TOLLIP: variants seen among roughly 807,000 people sequenced by gnomAD.
TOLLIP encodes toll interacting protein, also known as toll-interacting protein.
TOLLIP carries 16 observed loss-of-function variants against 33.5 expected under a neutral mutation model. That is an observed-to-expected ratio of 0.48 (90% confidence interval 0.32 to 0.72). The LOEUF (loss-of-function observed/expected upper bound fraction) is 0.72. Ranked by LOEUF, TOLLIP falls within the 30% of genes least tolerant of loss-of-function variation. The probability of loss-of-function intolerance (pLI) is 0.03; values close to 1 mark genes in which losing one functional copy is unlikely to be tolerated. For synonymous variants in TOLLIP, 176 were observed against 163.7 expected, an observed-to-expected ratio of 1.07 and a Z score of -0.57; for missense variants, 325 against 396.6, an observed-to-expected ratio of 0.82 and a Z score of 1.53.
intron 1 of TOLLIP, among the ~76,000 whole-genome samples, chr11:1,307,950 G>A (rs1864461411): frequency 6.6e-6 from 1 of 152,168 alleles, no homozygotes; most frequent in African/African-American, 2.4e-5. Flanking sequence ...CAGGACTTGT[G>A]GATACAGTGT....
chr11:1,295,686 C>T lies in TOLLIP; in HGVS notation c.142G>A (p.Ala48Thr), dbSNP rs145578982. The T allele has an allele frequency of 9.0e-5, 144 of 1,607,714 alleles. No individual in the cohort carries two copies. The highest frequency in any genetic ancestry group is 8.9e-4 in the East Asian group (40 of 44,718). The change falls in exon 2 of 6, where the codon GCA becomes ACA. Residue 48 changes from alanine (A) to threonine (T), a missense_variant. Ala to Thr is a moderately conservative substitution (Grantham distance 58, BLOSUM62 0). Transcript: ENST00000317204. ...TTCAGTCGGCCCACGGTGCCCACTG[C>T]GCCTCCGTACTGCAGCTGCTGGGCC... ...QAAQQLQYGG[A>T]VGTVGRLNIT...
intron 2 of TOLLIP, chr11:1,291,886 G>A (rs770420666): frequency 2.5e-4 from 39 of 157,560 alleles, no homozygotes; most frequent in Non-Finnish European, 4.9e-4. Flanking sequence ...TCCCGTCCAC[G>A]CCAACCCTCG....
rs1224239787 is a variant in TOLLIP at position 1,274,449 on chromosome 11, T to C, written c.*2590A>G. 1.3e-5 allele frequency: 2 copies of C among 152,184 alleles called. No homozygotes were observed. Among genetic ancestry groups the C allele is most frequent in the African/African-American group, 2.4e-5 (1 of 41,436 alleles). 9.4% of individuals were successfully genotyped at this position (152,184 alleles called of 1,614,324 possible). Reference sequence around the variant, plus strand: ...AAATTAGAAGACTAAAAAGTAAAAATATATTTTACAATCAAAGAAAAATCT... The same window carrying C: ...AAATTAGAAGACTAAAAAGTAAAAACATATTTTACAATCAAAGAAAAATCT... On this transcript the variant is annotated 3_prime_UTR_variant, in exon 6 of 6. Coordinates refer to ENST00000317204, the MANE Select transcript of TOLLIP (RefSeq NM_019009.4).
In TOLLIP at chr11:1,295,466, G is replaced by C; in HGVS notation, c.183+179C>G. On this transcript the variant is annotated intron_variant, in intron 2 of 5. Transcript: ENST00000317204. ...TTGAGTTATGTTTGGTAGAACCCGG[G>C]GTCAATGCCAATATCTTTCACACAG... 5 of 745,346 alleles carry C rather than the reference G, an allele frequency of 6.7e-6. No individual in the cohort carries two copies. The South Asian group carries it at 1.2e-4, about 18-fold the overall frequency. 46.2% of individuals were successfully genotyped at this position (745,346 alleles called of 1,614,324 possible).
intron 5 of TOLLIP, among the ~76,000 whole-genome samples, chr11:1,281,866 C>T (rs1863511854): frequency 6.6e-6 from 1 of 152,258 alleles, no homozygotes. Context: ...CCTGGTGTGA[C>T]TCCACCATGC....
chr11:1,283,399 G>C, intron 5 of TOLLIP: 1 of 371,376 alleles, frequency 2.7e-6, no homozygotes, highest in Admixed American at 3.5e-5. Context: ...CAGCCCCAAC[G>C]CGTCAGTGTC....
intron 5 of TOLLIP, among the ~76,000 whole-genome samples, chr11:1,279,604 C>T (rs1003345658): frequency 2.0e-5 from 3 of 152,198 alleles, no homozygotes; most frequent in African/African-American, 4.8e-5. Context: ...TGCCATCTGC[C>T]GCGCTCAGCC....
chr11:1,299,128 C>T (rs1486986168), intron 1 of TOLLIP, among the ~76,000 whole-genome samples: 2 of 152,208 alleles, frequency 1.3e-5, no homozygotes, highest in Non-Finnish European at 2.9e-5. Context: ...GTGAGACACA[C>T]AGGACCTCTT....
intron 4 of TOLLIP, among the ~76,000 whole-genome samples, chr11:1,288,341 T>A (rs1178247304): frequency 6.6e-6 from 1 of 152,086 alleles, no homozygotes; most frequent in African/African-American, 2.4e-5. Flanking sequence ...CACAGGGGCC[T>A]GCAGTGGAGA....
intron 5 of TOLLIP, among the ~76,000 whole-genome samples, chr11:1,281,935 G>T (rs529614822): frequency 1.3e-5 from 2 of 152,248 alleles, no homozygotes; most frequent in African/African-American, 4.8e-5. Context: ...CAAGGTCTCC[G>T]CAGACTTCGC....
chr11:1,305,060 A>G (rs1217021694), intron 1 of TOLLIP, among the ~76,000 whole-genome samples: 3 of 152,242 alleles, frequency 2.0e-5, no homozygotes, highest in Non-Finnish European at 4.4e-5. Flanking sequence ...TCTCTAAAAG[A>G]CAGCTGGGGT....
chr11:1,288,856 G>T, intron 3 of TOLLIP, 80 bp from the exon 4 acceptor site: 1 of 1,482,874 alleles, frequency 6.7e-7, no homozygotes, highest in Non-Finnish European at 9.1e-7. Flanking sequence ...TCGTGGGCCC[G>T]CCTCGAGTCC....
At chr11:1,302,545 A>C (rs1590229624) in intron 1 of TOLLIP, 1 of 980,656 alleles carries the variant, frequency 1.0e-6, no homozygotes, top group African/African-American at 1.8e-5. Flanking sequence ...CTCACCCACC[A>C]CCCTTCACAG....
intron 1 of TOLLIP, among the ~76,000 whole-genome samples, chr11:1,297,854 G>A (rs568245801): frequency 2.7e-4 from 41 of 152,352 alleles, no homozygotes; most frequent in Admixed American, 1.8e-3. Context: ...GGCTCAGGAG[G>A]GCGCTGAGAG....
intron 4 of TOLLIP, among the ~76,000 whole-genome samples, chr11:1,286,803 T>C (rs1010821453): frequency 1.3e-5 from 2 of 152,118 alleles, no homozygotes; most frequent in East Asian, 1.9e-4. Flanking sequence ...AGTTCAAAAC[T>C]GTCAACCGTG....
chr11:1,299,841 AG>A (rs1325409075), intron 1 of TOLLIP, among the ~76,000 whole-genome samples: 2 of 152,234 alleles, frequency 1.3e-5, no homozygotes, highest in African/African-American at 4.8e-5. Flanking sequence ...TCCACCAGCC[AG>A]GCACATCCAC....
chr11:1,285,794 C>G (rs937988299), intron 5 of TOLLIP, among the ~76,000 whole-genome samples: 1 of 151,858 alleles, frequency 6.6e-6, no homozygotes, highest in East Asian at 1.9e-4. Flanking sequence ...AAAAACAATT[C>G]TATTTTCTAG....
In TOLLIP at chr11:1,300,993, G is replaced by A. The variant is rs559117125; in HGVS notation, c.34-5199C>T. ...TGCACTTGGCATGTAAACACTGCAA[G>A]CAAGGCTCAACGAGTCTCAGCGCTA... On this transcript the variant is annotated intron_variant, in intron 1 of 5. Coordinates refer to ENST00000317204, the MANE Select transcript of TOLLIP (RefSeq NM_019009.4). Among the ~76,000 whole-genome samples, 4 of 152,392 alleles carry A rather than the reference G, an allele frequency of 2.6e-5. No homozygotes were observed. In the East Asian group the frequency reaches 7.7e-4, roughly 29 times the overall value.
intron 4 of TOLLIP, among the ~76,000 whole-genome samples, chr11:1,287,125 A>G (rs530613035): frequency 1.3e-5 from 2 of 151,862 alleles, no homozygotes; most frequent in East Asian, 1.9e-4. Context: ...TGGATAAGTC[A>G]CTGCACCGCT....
Sources: allele counts gnomAD v4.1 joint callset (sites outside exome capture counted in the v4.1 genomes callset), GRCh38; gene constraint gnomAD v4.1.1; transcripts MANE v1.5; gene names NCBI Gene and HGNC (gene_info 2026-07-23, HGNC 2026-07-21).